Variants in AFG2A observed in about 807,000 individuals in gnomAD.
AFG2A encodes the protein ATPase family gene 2 protein homolog A.
the AFG2A span, among the ~76,000 whole-genome samples, chr4:123,007,433 C>T: frequency 3.3e-5 from 5 of 151,544 alleles, no homozygotes; most frequent in African/African-American, 1.2e-4. Context: ...TTCCGTCACA[C>T]ACAGGGTTTT....
the AFG2A span, among the ~76,000 whole-genome samples, chr4:123,278,276 C>CT: frequency 6.6e-6 from 1 of 152,024 alleles, no homozygotes; most frequent in Non-Finnish European, 1.5e-5. Context: ...TCTCTGAGAG[C>CT]TTTTTTTATG....
chr4:122,954,479 C>G, the AFG2A span, among the ~76,000 whole-genome samples: 1 of 152,164 alleles, frequency 6.6e-6, no homozygotes, highest in Non-Finnish European at 1.5e-5. Context: ...TGGGCTTATC[C>G]CAGTCCTCAC....
chr4:123,220,578 C>T, the AFG2A span, among the ~76,000 whole-genome samples: 3 of 133,600 alleles, frequency 2.2e-5, no homozygotes, highest in African/African-American at 8.8e-5. Context: ...GGCAGCACTG[C>T]ACTCCAGCCT....
the AFG2A span, among the ~76,000 whole-genome samples, chr4:122,931,227 C>A: frequency 6.6e-6 from 1 of 152,040 alleles, no homozygotes; most frequent in Non-Finnish European, 1.5e-5. Flanking sequence ...GTTCCATAAA[C>A]AAAAGTAAAT....
At chr4:123,036,980 T>C in the AFG2A span, among the ~76,000 whole-genome samples, 1 of 152,158 alleles carries the variant, frequency 6.6e-6, no homozygotes, top group African/African-American at 2.4e-5. Context: ...ATATATGTAA[T>C]TCTATCTTAT....
chr4:123,083,300 T>A, the AFG2A span, among the ~76,000 whole-genome samples: 1 of 152,184 alleles, frequency 6.6e-6, no homozygotes, highest in Non-Finnish European at 1.5e-5. Flanking sequence ...AAGGAAGTTC[T>A]GCTCTATTCC....
chr4:123,299,472 T>C, the AFG2A span, among the ~76,000 whole-genome samples: 1 of 152,202 alleles, frequency 6.6e-6, no homozygotes, highest in Non-Finnish European at 1.5e-5. Flanking sequence ...AATTATCTCC[T>C]CTTTACAACA....
the AFG2A span, among the ~76,000 whole-genome samples, chr4:122,989,005 A>AT: frequency 1.7e-4 from 26 of 150,792 alleles, no homozygotes; most frequent in African/African-American, 5.8e-4. Flanking sequence ...TGAATTCTTC[A>AT]TTTTTTTCAT....
the AFG2A span, among the ~76,000 whole-genome samples, chr4:122,999,343 T>G: frequency 6.6e-6 from 1 of 152,180 alleles, no homozygotes; most frequent in South Asian, 2.1e-4. Context: ...TTGGCTTTTG[T>G]TGCCATTGCT....
At chr4:123,082,734 T>C in the AFG2A span, among the ~76,000 whole-genome samples, 1 of 152,136 alleles carries the variant, frequency 6.6e-6, no homozygotes, top group Non-Finnish European at 1.5e-5. Flanking sequence ...TGGGATTGCA[T>C]TGAATCTGTG....
the AFG2A span, among the ~76,000 whole-genome samples, chr4:123,141,029 A>G: frequency 1.3e-5 from 2 of 152,280 alleles, no homozygotes; most frequent in African/African-American, 4.8e-5. Context: ...AGATTTCATG[A>G]TTTGCAACTA....
the AFG2A span, among the ~76,000 whole-genome samples, chr4:123,040,442 G>C: frequency 6.6e-6 from 1 of 152,114 alleles, no homozygotes; most frequent in Non-Finnish European, 1.5e-5. Context: ...CATTTTTAAA[G>C]GGATATTAAC....
At chr4:123,284,549 T>C in the AFG2A span, among the ~76,000 whole-genome samples, 1 of 152,122 alleles carries the variant, frequency 6.6e-6, no homozygotes, top group Admixed American at 6.6e-5. Flanking sequence ...GATTAGGGGG[T>C]GACTTAAGGT....
At chr4:123,080,619 C>T in the AFG2A span, among the ~76,000 whole-genome samples, 1 of 151,888 alleles carries the variant, frequency 6.6e-6, no homozygotes, top group Admixed American at 6.6e-5. Context: ...TCTCCAGGTA[C>T]CATCTTTATG....
chr4:122,976,087 T>C, the AFG2A span, among the ~76,000 whole-genome samples: 2 of 152,200 alleles, frequency 1.3e-5, no homozygotes, highest in Non-Finnish European at 2.9e-5. Flanking sequence ...ATCATTTTAA[T>C]TTAGTAAAAA....
the AFG2A span, among the ~76,000 whole-genome samples, chr4:123,006,995 C>T: frequency 1.0e-4 from 15 of 150,332 alleles, no homozygotes; most frequent in Admixed American, 4.6e-4. Flanking sequence ...GGGGCTAGAG[C>T]GGAGTTTTGC....
At chr4:123,028,670 CT>C in the AFG2A span, among the ~76,000 whole-genome samples, 4 of 151,440 alleles carry the variant, frequency 2.6e-5, no homozygotes, top group Admixed American at 2.0e-4. Context: ...AGAAGCTAAT[CT>C]TTTTTTTTGT....
chr4:123,304,442 C>T, the AFG2A span, among the ~76,000 whole-genome samples: 1 of 152,048 alleles, frequency 6.6e-6, no homozygotes, highest in Admixed American at 6.6e-5. Context: ...GGAAGGAGGT[C>T]GCAAGGCTGT....
chr4:123,039,726 G>C, the AFG2A span, among the ~76,000 whole-genome samples: 1 of 151,702 alleles, frequency 6.6e-6, no homozygotes, highest in Non-Finnish European at 1.5e-5. Context: ...CTGTAGTATA[G>C]GGCTGTAAAA....
Sources: allele counts gnomAD v4.1 joint callset (sites outside exome capture counted in the v4.1 genomes callset), GRCh38; gene constraint gnomAD v4.1.1; transcripts MANE v1.5; gene names NCBI Gene and HGNC (gene_info 2026-07-23, HGNC 2026-07-21).